Variants in LMTK2 observed in about 807,000 individuals in gnomAD.
LMTK2 encodes the protein serine/threonine-protein kinase LMTK2.
LMTK2 carries 37 observed loss-of-function variants against 127.5 expected under a neutral mutation model. The ratio of observed to expected loss-of-function variants is 0.29; its 90% CI spans 0.22 to 0.38. The LOEUF is 0.38. Ranked by LOEUF, LMTK2 falls within the 10% of genes least tolerant of loss-of-function variation. The pLI, the probability that LMTK2 is intolerant of heterozygous loss-of-function variation, is 1.00. For synonymous variants in LMTK2, 819 were observed against 810.1 expected (o/e 1.01, Z -0.19); for missense variants, 1,694 against 1,920.3 (o/e 0.88, Z 2.20).
At position 98,161,810 on chromosome 7, in the gene LMTK2, T is replaced by C. The variant is rs539629957; in HGVS notation, c.657+2385T>C. Among the ~76,000 whole-genome samples the C allele has an allele frequency of 2.8e-4, 42 of 152,262 alleles. 1 individual carries two copies. Among genetic ancestry groups the C allele is most frequent in the African/African-American group, 1.0e-3 (42 of 41,552 alleles). ...CCCTCAGGTGACAAGGCAAGTCTGCTCGTCAGAGGCCCGCTATTCTGAGCT... is the reference window on the plus strand; with the variant it reads ...CCCTCAGGTGACAAGGCAAGTCTGCCCGTCAGAGGCCCGCTATTCTGAGCT... On this transcript the variant is annotated intron_variant, in intron 6 of 13. Transcript: ENST00000297293.
At chr7:98,133,718 A>G (rs1461311290) in intron 1 of LMTK2, among the ~76,000 whole-genome samples, 1 of 152,114 alleles carries the variant, frequency 6.6e-6, no homozygotes, top group Non-Finnish European at 1.5e-5. Context: ...AGACCCTAGC[A>G]GAAGTAAGTG....
chr7:98,167,828 G>T (rs567129168), intron 6 of LMTK2, among the ~76,000 whole-genome samples: 222 of 152,328 alleles, frequency 1.5e-3, no homozygotes, highest in Middle Eastern at 0.01. Flanking sequence ...GGTCCTTACG[G>T]ATCAACGAGA....
intron 1 of LMTK2, among the ~76,000 whole-genome samples, chr7:98,132,056 G>T (rs560843915): frequency 2.6e-5 from 4 of 152,174 alleles, no homozygotes; most frequent in African/African-American, 4.8e-5. Context: ...CAGGCCTGCC[G>T]GGACCCTGTG....
intron 3 of LMTK2, 119 bp downstream of exon 3, chr7:98,141,660 T>A: frequency 1.0e-6 from 1 of 983,928 alleles, no homozygotes; most frequent in Non-Finnish European, 1.5e-6. Context: ...TTCTCTTCCT[T>A]CTGCTCCCAG....
rs148823831 is a variant in LMTK2 at position 98,141,528 on chromosome 7, C to G, written c.363C>G (p.Phe121Leu). 809 of 1,613,964 alleles carry G rather than the reference C, an allele frequency of 5.0e-4. 1 individual carries two copies. The highest frequency in any genetic ancestry group is 6.6e-4 in the Non-Finnish European group (779 of 1,179,946). Residue 121 changes from phenylalanine to leucine, a missense_variant, in exon 3 of 14, where the codon TTC becomes TTG. Transcript: ENST00000297293. ...PNISLPAPSQ[F>L]QPSVEGLKSQ... ...TTTCACTCCCAGCTCCCTCGCAATT[C>G]CAGCCTTCTGTAGGTAAGACCATAC...
intron 7 of LMTK2, among the ~76,000 whole-genome samples, chr7:98,174,116 A>G (rs1302141669): frequency 8.6e-5 from 13 of 151,868 alleles, no homozygotes; most frequent in East Asian, 1.9e-4. Flanking sequence ...AAAAAAAAAA[A>G]AAAAAAGAAA....
At position 98,124,459 on chromosome 7, in the gene LMTK2, G is replaced by A. The variant is rs117385022; in HGVS notation, c.104-12856G>A. On this transcript the variant is annotated intron_variant, in intron 1 of 13. Transcript: ENST00000297293. ...AGGCCAGGAGTTCAAGACAAGCCCG[G>A]GCAACATGGTGAGACTCCATCTCTG... Among the ~76,000 whole-genome samples the A allele has an allele frequency of 1.2e-4, 19 of 152,198 alleles. No individual in the cohort carries two copies. The East Asian group carries it at 3.7e-3, about 29-fold the overall frequency.
intron 5 of LMTK2, among the ~76,000 whole-genome samples, chr7:98,157,640 T>TAA (rs34715220): frequency 6.1e-5 from 7 of 114,358 alleles, no homozygotes; most frequent in South Asian, 5.6e-4. Flanking sequence ...GCTCCCACAT[T>TAA]AAAAAAAAAA....
intron 6 of LMTK2, among the ~76,000 whole-genome samples, chr7:98,167,860 G>A (rs1797125124): frequency 6.6e-6 from 1 of 152,200 alleles, no homozygotes; most frequent in Non-Finnish European, 1.5e-5. Flanking sequence ...CAGTGGGGGG[G>A]CCGAGGAAGG....
intron 1 of LMTK2, among the ~76,000 whole-genome samples, chr7:98,135,338 G>A (rs371478650): frequency 2.5e-4 from 38 of 151,618 alleles, no homozygotes; most frequent in African/African-American, 7.3e-4. Context: ...TTTGAGACAG[G>A]GTCTTGCTCT....
In LMTK2 at chr7:98,202,330, A is replaced by G. The variant is rs1016801743; in HGVS notation, c.4108-1244A>G. ...GCTAAGATTTTCCCTATTTCTGTTC[A>G]TGGTAAGAGTGTTTCCCCTTAGTTG... On this transcript the variant is annotated intron_variant, in intron 11 of 13. Coordinates refer to ENST00000297293, the MANE Select transcript of LMTK2 (RefSeq NM_014916.4). Among the ~76,000 whole-genome samples, 10 of 152,148 alleles carry G rather than the reference A, an allele frequency of 6.6e-5. No individual in the cohort carries two copies. In the South Asian group the frequency reaches 2.1e-3, roughly 32 times the overall value.
chr7:98,169,321 G>C (rs1343406333), intron 6 of LMTK2, among the ~76,000 whole-genome samples: 1 of 152,224 alleles, frequency 6.6e-6, no homozygotes, highest in East Asian at 1.9e-4. Flanking sequence ...CTGTCTTTGA[G>C]TGAAATTTGG....
chr7:98,141,871 C>T (rs940847381), intron 3 of LMTK2, among the ~76,000 whole-genome samples: 57 of 152,184 alleles, frequency 3.7e-4, no homozygotes, highest in African/African-American at 1.0e-3. Flanking sequence ...CTGAGTAGGA[C>T]TCTGCTGGCT....
At chr7:98,115,250 A>G (rs1796261451) in intron 1 of LMTK2, among the ~76,000 whole-genome samples, 1 of 151,900 alleles carries the variant, frequency 6.6e-6, no homozygotes, top group Admixed American at 6.6e-5. Context: ...CCCCGTCTAT[A>G]CTAAAAAACA....
chr7:98,125,417 T>C (rs958081946), intron 1 of LMTK2, among the ~76,000 whole-genome samples: 56 of 152,362 alleles, frequency 3.7e-4, no homozygotes, highest in African/African-American at 1.3e-3. Flanking sequence ...GTGCAGGGAC[T>C]TTGTTTTTTT....
At chr7:98,172,024 G>A (rs114059715) in intron 7 of LMTK2, among the ~76,000 whole-genome samples, 38 of 152,262 alleles carry the variant, frequency 2.5e-4, no homozygotes, top group Admixed American at 5.9e-4. Flanking sequence ...GGTGCCACCC[G>A]CCCGGTTTCA....
At chr7:98,167,978 A>C (rs1797128060) in intron 6 of LMTK2, among the ~76,000 whole-genome samples, 2 of 152,150 alleles carry the variant, frequency 1.3e-5, no homozygotes, top group Admixed American at 1.3e-4. Flanking sequence ...AATGCTGGTG[A>C]GATGAGACCC....
At chr7:98,163,294 T>A (rs1487613654) in intron 6 of LMTK2, among the ~76,000 whole-genome samples, 1 of 152,166 alleles carries the variant, frequency 6.6e-6, no homozygotes, top group Non-Finnish European at 1.5e-5. Flanking sequence ...TTTATGCATT[T>A]TTTTTTACCC....
intron 1 of LMTK2, among the ~76,000 whole-genome samples, chr7:98,119,030 T>A (rs1796325202): frequency 6.6e-6 from 1 of 150,828 alleles, no homozygotes; most frequent in Admixed American, 6.6e-5. Flanking sequence ...AGGCGGAGGT[T>A]GCAGTGAACC....
Sources: allele counts gnomAD v4.1 joint callset (sites outside exome capture counted in the v4.1 genomes callset), GRCh38; gene constraint gnomAD v4.1.1; transcripts MANE v1.5; gene names NCBI Gene and HGNC (gene_info 2026-07-23, HGNC 2026-07-21).